Variants in MAML2 observed in about 807,000 individuals in gnomAD.
The protein encoded by MAML2 is mastermind-like protein 2.
Under a neutral mutation model 96.1 loss-of-function variants are expected in MAML2, and 22 were observed. The ratio of observed to expected loss-of-function variants is 0.23; its 90% confidence interval spans 0.16 to 0.33. The LOEUF is 0.33. MAML2 is among the 10% of genes least tolerant of loss of function. The pLI is 1.00. For synonymous variants in MAML2, 561 were observed against 521.3 expected, an observed-to-expected ratio of 1.08 and a Z score of -1.04; for missense variants, 1,367 against 1,392.4, an observed-to-expected ratio of 0.98 and a Z score of 0.29.
At chr11:96,033,058 T>A (rs1210657079) in intron 2 of MAML2, among the ~76,000 whole-genome samples, 1 of 152,190 alleles carries the variant, frequency 6.6e-6, no homozygotes, top group African/African-American at 2.4e-5. Flanking sequence ...ACAGGGAGAC[T>A]CTCCCTTGAA....
chr11:96,203,303 A>G (rs1216247055), intron 1 of MAML2, among the ~76,000 whole-genome samples: 1 of 152,228 alleles, frequency 6.6e-6, no homozygotes, highest in Admixed American at 6.5e-5. Flanking sequence ...AACATTCTCT[A>G]AAGAACAGAT....
intron 4 of MAML2, among the ~76,000 whole-genome samples, chr11:95,983,504 C>A (rs1282983267): frequency 6.6e-6 from 1 of 151,980 alleles, no homozygotes; most frequent in East Asian, 1.9e-4. Context: ...TCTAGGATGA[C>A]TATAGTTAAG....
chr11:96,239,863 A>G (rs1862409574), intron 1 of MAML2, among the ~76,000 whole-genome samples: 2 of 152,214 alleles, frequency 1.3e-5, no homozygotes, highest in Non-Finnish European at 2.9e-5. Flanking sequence ...CCACTATGAC[A>G]CAGTTGTGGT....
At chr11:96,198,225 G>A (rs1335296712) in intron 1 of MAML2, among the ~76,000 whole-genome samples, 1 of 152,332 alleles carries the variant, frequency 6.6e-6, no homozygotes, top group Non-Finnish European at 1.5e-5. Flanking sequence ...TTTGATGACA[G>A]TGAGTTTGCT....
intron 1 of MAML2, among the ~76,000 whole-genome samples, chr11:96,340,967 G>A (rs1272433167): frequency 6.6e-6 from 1 of 152,136 alleles, no homozygotes; most frequent in Non-Finnish European, 1.5e-5. Context: ...CTTTAATAAA[G>A]GCCAGCTGGG....
rs1471255052 is a variant in MAML2, at chr11:96,341,537, G to T, written c.359C>A (p.Ala120Glu). The T allele has an allele frequency of 2.6e-6, 4 of 1,551,224 alleles. No homozygotes were observed. Among genetic ancestry groups the T allele is most frequent in the Non-Finnish European group, 3.5e-6 (4 of 1,146,952 alleles). Reference protein sequence around the residue: ...AAPPAASQAAATAAPPPPPDY... With the variant: ...AAPPAASQAAETAAPPPPPDY... ...TGGTGGGGGCGGTGGGGCTGCTGTT[G>T]CTGCTGCTTGGGAGGCCGCAGGAGG... Residue 120 changes from alanine to glutamate, a missense_variant, in exon 1 of 5, where the codon GCA becomes GAA. By Grantham distance (107) the Ala-to-Glu change is moderately radical. Coordinates refer to ENST00000524717, the MANE Select transcript of MAML2 (RefSeq NM_032427.4).
intron 1 of MAML2, among the ~76,000 whole-genome samples, chr11:96,297,264 T>G (rs371682504): frequency 1.5e-4 from 23 of 152,282 alleles, no homozygotes; most frequent in East Asian, 7.7e-4. Flanking sequence ...TTTAAATATT[T>G]GAGACTTTAA....
intron 1 of MAML2, among the ~76,000 whole-genome samples, chr11:96,157,127 A>G (rs1565231945): frequency 6.6e-6 from 1 of 152,256 alleles, no homozygotes; most frequent in Non-Finnish European, 1.5e-5. Context: ...TGTGTTTTGT[A>G]GGTTTCTCAA....
At chr11:95,981,904 T>A (rs1185193988) in intron 4 of MAML2, among the ~76,000 whole-genome samples, 2 of 151,918 alleles carry the variant, frequency 1.3e-5, no homozygotes, top group Non-Finnish European at 2.9e-5. Context: ...CCTGAGAAGG[T>A]TTATAAGGAA....
intron 1 of MAML2, among the ~76,000 whole-genome samples, chr11:96,152,017 G>C (rs1166966858): frequency 6.6e-6 from 1 of 152,308 alleles, no homozygotes; most frequent in East Asian, 1.9e-4. Context: ...GAGGCTAGGA[G>C]TTTAAGACCA....
intron 2 of MAML2, among the ~76,000 whole-genome samples, chr11:96,053,580 T>G (rs1250876788): frequency 6.6e-6 from 1 of 152,044 alleles, no homozygotes; most frequent in African/African-American, 2.4e-5. Context: ...CTCAGCCAAT[T>G]TGGAGGGGGC....
intron 3 of MAML2, among the ~76,000 whole-genome samples, chr11:95,989,395 C>T (rs1404343215): frequency 6.6e-6 from 1 of 152,254 alleles, no homozygotes; most frequent in Non-Finnish European, 1.5e-5. Context: ...CCCTTTGCAC[C>T]TGTCCTAGTG....
intron 1 of MAML2, among the ~76,000 whole-genome samples, chr11:96,185,003 A>G (rs1236331093): frequency 2.6e-5 from 4 of 152,234 alleles, no homozygotes; most frequent in East Asian, 1.9e-4. Context: ...GAAGAAATGA[A>G]GAAACTTAAG....
At chr11:96,067,532 C>A (rs1245927298) in intron 2 of MAML2, among the ~76,000 whole-genome samples, 1 of 152,074 alleles carries the variant, frequency 6.6e-6, no homozygotes, top group African/African-American at 2.4e-5. Flanking sequence ...TTACTCTATG[C>A]AGGATAAGTC....
At chr11:96,239,920 T>A (rs1230369233) in intron 1 of MAML2, among the ~76,000 whole-genome samples, 1 of 152,200 alleles carries the variant, frequency 6.6e-6, no homozygotes, top group Non-Finnish European at 1.5e-5. Context: ...CTATTCCCAT[T>A]GGCAAATTAG....
At position 95,979,759 on chromosome 11, in the gene MAML2, A is replaced by G; in HGVS notation, c.2660T>C (p.Met887Thr). 1.2e-6 allele frequency: 2 copies of G among 1,613,964 alleles called. No individual in the cohort carries two copies. Among genetic ancestry groups the G allele is most frequent in the South Asian group, 2.2e-5 (2 of 91,078 alleles). ...GTTTCTCTGTTGGGTCAATTGATTC[A>G]TTCCTGAAGTGACACTGTATGTGTT... ...QPNTYSVTSG[M>T]NQLTQQRNPK... is the part of the protein sequence containing the mutation. Residue 887 changes from methionine to threonine, a missense_variant, in exon 5 of 5, where the codon ATG becomes ACG. Met to Thr is a moderately conservative substitution (Grantham distance 81). Coordinates refer to ENST00000524717, the MANE Select transcript of MAML2 (RefSeq NM_032427.4).
intron 1 of MAML2, among the ~76,000 whole-genome samples, chr11:96,235,482 G>A (rs571771487): frequency 6.6e-6 from 1 of 152,212 alleles, no homozygotes; most frequent in African/African-American, 2.4e-5. Flanking sequence ...TTATTCTTTT[G>A]AACTGAAAGT....
At chr11:96,282,476 G>C (rs946230062) in intron 1 of MAML2, among the ~76,000 whole-genome samples, 3 of 152,074 alleles carry the variant, frequency 2.0e-5, no homozygotes, top group African/African-American at 7.2e-5. Flanking sequence ...CCACTCTCCA[G>C]GTCTTCAAAA....
intron 1 of MAML2, among the ~76,000 whole-genome samples, chr11:96,210,430 C>A (rs527389416): frequency 4.5e-4 from 69 of 152,198 alleles, no homozygotes; most frequent in South Asian, 3.9e-3. Flanking sequence ...TTAGATATGT[C>A]CAAAACACAG....
Sources: allele counts gnomAD v4.1 joint callset (sites outside exome capture counted in the v4.1 genomes callset), GRCh38; gene constraint gnomAD v4.1.1; transcripts MANE v1.5; gene names NCBI Gene and HGNC (gene_info 2026-07-23, HGNC 2026-07-21).